ZHX2: variants seen among roughly 807,000 people sequenced by gnomAD.
The protein encoded by ZHX2 is zinc fingers and homeoboxes protein 2.
ZHX2 carries 6 observed loss-of-function variants against 21.9 expected under a neutral mutation model. That is an observed-to-expected ratio of 0.27 (90% CI 0.15 to 0.54). The LOEUF (loss-of-function observed/expected upper bound fraction) is 0.54, where lower values mean the gene tolerates loss of function less well. Among genes scored for constraint, ZHX2 ranks in the 20% least tolerant of loss-of-function variants. The pLI, the probability that ZHX2 is intolerant of heterozygous loss-of-function variation, is 0.95. For synonymous variants in ZHX2, 434 were observed against 437.1 expected, an observed-to-expected ratio of 0.99 and a Z score of 0.09; for missense variants, 908 against 1,090.7, an observed-to-expected ratio of 0.83 and a Z score of 2.36.
intron 1 of ZHX2, among the ~76,000 whole-genome samples, chr8:122,802,462 C>T (rs1230973009): frequency 2.6e-5 from 4 of 152,312 alleles, no homozygotes; most frequent in South Asian, 4.1e-4. Context: ...GTCAGAGGCC[C>T]GTGGCTGCCC....
At position 122,829,050 on chromosome 8, in the gene ZHX2, C is replaced by T. The variant is rs372602308; in HGVS notation, c.-282-34427C>T. Reference sequence around the variant, plus strand: ...ACAATTTGAAGTTAGGTTATGAAGACTCTGTAATAGTAAGGGTAGCTGCTT... The same window carrying T: ...ACAATTTGAAGTTAGGTTATGAAGATTCTGTAATAGTAAGGGTAGCTGCTT... On this transcript the variant is annotated intron_variant, in intron 1 of 3. Coordinates refer to ENST00000314393, the MANE Select transcript of ZHX2 (RefSeq NM_014943.5). 3.9e-5 allele frequency among the ~76,000 whole-genome samples: 6 copies of T among 152,218 alleles called. No individual in the cohort carries two copies. The East Asian group carries it at 5.8e-4, about 15-fold the overall frequency.
chr8:122,934,273 C>T (rs1812619288), intron 2 of ZHX2, among the ~76,000 whole-genome samples: 1 of 152,210 alleles, frequency 6.6e-6, no homozygotes, highest in Non-Finnish European at 1.5e-5. Context: ...TGTACTGATT[C>T]TAAAGCTAAT....
intron 1 of ZHX2, among the ~76,000 whole-genome samples, chr8:122,814,865 T>C (rs1184207739): frequency 6.9e-6 from 1 of 145,772 alleles, no homozygotes; most frequent in Non-Finnish European, 1.5e-5. Flanking sequence ...TTTGTTTTTT[T>C]AATCATAAAT....
intron 1 of ZHX2, among the ~76,000 whole-genome samples, chr8:122,832,300 CT>C (rs1818395051): frequency 6.6e-6 from 1 of 152,120 alleles, no homozygotes; most frequent in African/African-American, 2.4e-5. Flanking sequence ...GTTGAATAAA[CT>C]GTTAGTTTGG....
chr8:122,816,439 A>G (rs1818036184), intron 1 of ZHX2: 1 of 144,556 alleles, frequency 6.9e-6, no homozygotes. Context: ...CATAATAATG[A>G]ATCTATCTTT....
chr8:122,932,844 A>G (rs561625686), intron 2 of ZHX2, among the ~76,000 whole-genome samples: 1 of 151,716 alleles, frequency 6.6e-6, no homozygotes, highest in South Asian at 2.1e-4. Context: ...TTTTCAGCCT[A>G]CCACACCCTG....
Position 122,953,244 on chromosome 8 carries a change from G to A in ZHX2, c.1734G>A (p.Ser578=), listed in dbSNP as rs34092125. The part of the protein sequence containing the change: ...LSRREIDSWF[S]ERRKLRDSME... The stretch of plus-strand genomic sequence containing the variant: ...GGAGAGAGATCGACTCCTGGTTCTC[G>A]GAGAGGCGGAAGCTTCGAGACAGCA... The change falls in exon 3 of 4, where the codon TCG becomes TCA. Residue 578 remains serine (S), a synonymous_variant. Coordinates refer to ENST00000314393, the MANE Select transcript of ZHX2 (RefSeq NM_014943.5). This position sits in a 1 kb window ranked among gnomAD's most constrained non-coding sequence, Gnocchi z 4.6. 0.011 allele frequency: 17,104 copies of A among 1,613,954 alleles called. 124 individuals are homozygous for A. Among genetic ancestry groups the A allele is most frequent in the Non-Finnish European group, 0.013 (14,966 of 1,179,990 alleles).
chr8:122,895,362 G>T (rs1329420928), intron 2 of ZHX2, among the ~76,000 whole-genome samples: 1 of 152,206 alleles, frequency 6.6e-6, no homozygotes, highest in East Asian at 1.9e-4. Flanking sequence ...AGGCAAGCTG[G>T]CTTCTCTTCA....
At chr8:122,814,895 C>T (rs1818000675) in intron 1 of ZHX2, among the ~76,000 whole-genome samples, 1 of 152,072 alleles carries the variant, frequency 6.6e-6, no homozygotes, top group South Asian at 2.1e-4. Flanking sequence ...AACATAATCC[C>T]TACCTCATCC....
intron 2 of ZHX2, among the ~76,000 whole-genome samples, chr8:122,939,774 C>T (rs1283753515): frequency 6.6e-6 from 1 of 152,102 alleles, no homozygotes; most frequent in Non-Finnish European, 1.5e-5. Context: ...AATCTCAGAG[C>T]GGCATGACCA....
intron 1 of ZHX2, among the ~76,000 whole-genome samples, chr8:122,807,358 G>T (rs1055433274): frequency 6.6e-6 from 1 of 152,150 alleles, no homozygotes; most frequent in Non-Finnish European, 1.5e-5. Flanking sequence ...CATATTTGTT[G>T]ACTCAGGGAA....
intron 2 of ZHX2, among the ~76,000 whole-genome samples, chr8:122,881,292 TAAG>T (rs1478459627): frequency 6.6e-6 from 1 of 152,164 alleles, no homozygotes; most frequent in East Asian, 1.9e-4. Context: ...ATAACCAAAC[TAAG>T]GAGGTAAAGT....
Position 122,953,337 on chromosome 8 carries a change from T to G in ZHX2, c.1827T>G (p.Gly609=). 1 of 1,613,990 alleles carries G rather than the reference T, an allele frequency of 6.2e-7. No homozygotes were observed. The highest frequency in any genetic ancestry group is 8.5e-7 in the Non-Finnish European group (1 of 1,180,016). ...GCCAAGATGTGGGAGCCCCCAATGGTGCTCTGTCTCGACTCGACCAGCTCT... is the reference window on the plus strand; with the variant it reads ...GCCAAGATGTGGGAGCCCCCAATGGGGCTCTGTCTCGACTCGACCAGCTCT... The part of the protein sequence containing the change: ...KKGQDVGAPN[G]ALSRLDQLSG... Residue 609 remains glycine, a synonymous_variant, in exon 3 of 4, where the codon GGT becomes GGG. Transcript: ENST00000314393. The surrounding 1 kb of genome is among the most constrained non-coding windows in gnomAD (Gnocchi z 4.6).
At chr8:122,913,860 AGG>A (rs1382286514) in intron 2 of ZHX2, among the ~76,000 whole-genome samples, 3 of 152,166 alleles carry the variant, frequency 2.0e-5, no homozygotes, top group Non-Finnish European at 4.4e-5. Flanking sequence ...GTTGATAGAG[AGG>A]GGGATGTGTA....
intron 1 of ZHX2, among the ~76,000 whole-genome samples, chr8:122,788,344 G>A (rs976760516): frequency 2.0e-5 from 3 of 152,304 alleles, no homozygotes; most frequent in Non-Finnish European, 4.4e-5. Flanking sequence ...GATCGCTTGA[G>A]CTCAGGAATT....
chr8:122,859,581 T>TG (rs1174695282), intron 1 of ZHX2, among the ~76,000 whole-genome samples: 3 of 149,178 alleles, frequency 2.0e-5, no homozygotes, highest in Admixed American at 1.3e-4. Context: ...CCAGGAACAG[T>TG]GGGGGGATTG....
At chr8:122,957,186 G>C (rs1051162520) in intron 3 of ZHX2, among the ~76,000 whole-genome samples, 1 of 150,830 alleles carries the variant, frequency 6.6e-6, no homozygotes, top group Non-Finnish European at 1.5e-5. Flanking sequence ...ACATGAGTTT[G>C]TCTCCAGAGT....
intron 1 of ZHX2, among the ~76,000 whole-genome samples, chr8:122,836,590 C>T (rs1163588551): frequency 6.6e-6 from 1 of 152,218 alleles, no homozygotes; most frequent in Non-Finnish European, 1.5e-5. Context: ...ATGGCATCAG[C>T]ACCAAGTGAG....
intron 1 of ZHX2, among the ~76,000 whole-genome samples, chr8:122,785,031 G>T (rs572417708): frequency 1.1e-4 from 17 of 152,212 alleles, no homozygotes; most frequent in Non-Finnish European, 2.9e-5. Flanking sequence ...AGCCGACTGC[G>T]GGGAAGCACT....
Sources: allele counts gnomAD v4.1 joint callset (sites outside exome capture counted in the v4.1 genomes callset), GRCh38; gene constraint gnomAD v4.1.1; non-coding constraint Gnocchi (gnomAD v3.1); transcripts MANE v1.5; gene names NCBI Gene and HGNC (gene_info 2026-07-23, HGNC 2026-07-21).